USH2A: variants seen among roughly 807,000 people sequenced by gnomAD.
USH2A encodes Usher syndrome 2A (autosomal recessive, mild).
USH2A carries 443 observed loss-of-function variants against 538.9 expected under a neutral mutation model. The ratio of observed to expected loss-of-function variants is 0.82; its 90% confidence interval spans 0.76 to 0.89. The LOEUF (loss-of-function observed/expected upper bound fraction) is 0.89. USH2A is among the 40% of genes least tolerant of loss of function. USH2A has a pLI of 0.00. For missense variants in USH2A, 6,633 were observed against 6,324.8 expected (o/e 1.05, Z -1.65); for synonymous variants, 2,413 against 2,273.5 (o/e 1.06, Z -1.75).
intron 30 of USH2A, among the ~76,000 whole-genome samples, chr1:216,054,636 C>T (rs933926578): frequency 6.6e-6 from 1 of 152,182 alleles, no homozygotes; most frequent in African/African-American, 2.4e-5. Context: ...TTTCTACTTA[C>T]ATACTTCAGC....
At chr1:215,906,535 A>G (rs1665644238) in intron 38 of USH2A, among the ~76,000 whole-genome samples, 1 of 152,046 alleles carries the variant, frequency 6.6e-6, no homozygotes, top group Non-Finnish European at 1.5e-5. Context: ...TATAATATAG[A>G]ATAACTATTA....
chr1:215,683,295 C>T (rs1271672704), intron 61 of USH2A, among the ~76,000 whole-genome samples: 1 of 151,712 alleles, frequency 6.6e-6, no homozygotes, highest in African/African-American at 2.4e-5. Context: ...TTAAATAGAT[C>T]TAAACAATAG....
chr1:216,034,638 T>C lies in USH2A; in HGVS notation c.6325+11793A>G, dbSNP rs570088238. Among the ~76,000 whole-genome samples the C allele has an allele frequency of 1.5e-3, 232 of 152,020 alleles. 2 individuals are homozygous for C. Among genetic ancestry groups the C allele is most frequent in the Non-Finnish European group, 2.8e-3 (190 of 67,966 alleles). On this transcript the variant is annotated intron_variant, in intron 32 of 71. Transcript: ENST00000307340. ...CACTATGTAATGATACAAGCAGAGA[T>C]TGGGGTGACGCAACTGCAAGCCACT...
At position 216,099,057 on chromosome 1, in the gene USH2A, A is replaced by T. The variant is rs943427773; in HGVS notation, c.4628-1844T>A. On this transcript the variant is annotated intron_variant, in intron 21 of 71. Coordinates refer to ENST00000307340, the MANE Select transcript of USH2A (RefSeq NM_206933.4). Reference sequence around the variant, plus strand: ...TGTTCTAAGTCATTTTTAGAGTGCTATTCCTTTAGTCACAGCAAAGGTTAA... The same window carrying T: ...TGTTCTAAGTCATTTTTAGAGTGCTTTTCCTTTAGTCACAGCAAAGGTTAA... 4.6e-5 allele frequency among the ~76,000 whole-genome samples: 7 copies of T among 152,350 alleles called. No homozygotes were observed. The South Asian group carries it at 1.4e-3, about 32-fold the overall frequency.
At chr1:216,165,242 A>T (rs1424128309) in intron 21 of USH2A, among the ~76,000 whole-genome samples, 1 of 152,126 alleles carries the variant, frequency 6.6e-6, no homozygotes, top group Non-Finnish European at 1.5e-5. Flanking sequence ...ATAAGCCCTA[A>T]TGATATGTAT....
intron 38 of USH2A, among the ~76,000 whole-genome samples, chr1:215,910,134 A>T (rs1226057585): frequency 1.3e-5 from 2 of 151,996 alleles, no homozygotes; most frequent in African/African-American, 4.8e-5. Context: ...ATGCTTGTTC[A>T]TGAATCTTTT....
intron 47 of USH2A, among the ~76,000 whole-genome samples, chr1:215,836,506 T>TATATATTATA (rs1553267742): frequency 5.5e-5 from 1 of 18,314 alleles, no homozygotes; most frequent in African/African-American, 1.7e-4. Context: ...ATAATATATA[T>TATATATTATA]TATATATATA....
At position 215,647,626 on chromosome 1, in the gene USH2A, A is replaced by C; in HGVS notation, c.14687T>G (p.Leu4896Arg). ...TGTGGTGTAGGGCTGGAGACCCCCA[A>C]GGCTGGCTTTCTGCCCCAGCCCCGT... ...KYTGLGQKAS[L>R]GGLQPYTTYK... The change falls in exon 67 of 72, where the codon CTT becomes CGT. Residue 4896 changes from leucine (L) to arginine (R), a missense_variant. Physicochemically the swap from Leu to Arg is moderately radical, Grantham distance 102 (BLOSUM62 -2). Coordinates refer to ENST00000307340, the MANE Select transcript of USH2A (RefSeq NM_206933.4). The C allele has an allele frequency of 6.2e-7, 1 of 1,614,114 alleles. No individual in the cohort carries two copies. Among genetic ancestry groups the C allele is most frequent in the Non-Finnish European group, 8.5e-7 (1 of 1,180,032 alleles).
chr1:216,024,400 G>T (rs529185134), intron 32 of USH2A, among the ~76,000 whole-genome samples: 197 of 152,110 alleles, frequency 1.3e-3, no homozygotes, highest in African/African-American at 4.5e-3. Flanking sequence ...TTTTGTAAAG[G>T]AGAATGCATT....
At chr1:216,421,558 G>A (rs2039676303) in intron 2 of USH2A, among the ~76,000 whole-genome samples, 1 of 152,168 alleles carries the variant, frequency 6.6e-6, no homozygotes, top group African/African-American at 2.4e-5. Context: ...CTCACTCTGA[G>A]TCTTCTTTAG....
rs778833885 is a variant in USH2A at position 215,817,174 on chromosome 1, C to T, written c.9393G>A (p.Val3131=). The T allele has an allele frequency of 6.2e-7, 1 of 1,612,278 alleles. No homozygotes were observed. The highest frequency in any genetic ancestry group is 8.5e-7 in the Non-Finnish European group (1 of 1,178,734). Residue 3131 remains valine, a synonymous_variant, in exon 48 of 72, where the codon GTG becomes GTA. Transcript: ENST00000307340. Reference sequence around the variant, plus strand: ...TGATGCCATTTGGCTTCCGTGGAGACACCCAATCAATTTGAAGAGATCTGC... The same window carrying T: ...TGATGCCATTTGGCTTCCGTGGAGATACCCAATCAATTTGAAGAGATCTGC... ...ITSRSLQIDW[V]SPRKPNGIIL...
Position 216,325,490 on chromosome 1 carries a change from T to G in USH2A, c.958A>C (p.Ile320Leu). 1 of 1,613,876 alleles carries G rather than the reference T, an allele frequency of 6.2e-7. No homozygotes were observed. Among genetic ancestry groups the G allele is most frequent in the Non-Finnish European group, 8.5e-7 (1 of 1,179,904 alleles). The change falls in exon 6 of 72, where the codon ATT becomes CTT. Residue 320 changes from isoleucine to leucine, a missense_variant. Transcript: ENST00000307340. ...RVHPLAQRYC[I>L]PNDAGDTADN... ...GCTGTGTCTCCTGCATCATTAGGAA[T>G]GCAGTACCGCTGTGCCAAAGGGTGG...
chr1:215,642,968 T>C (rs114807980), intron 67 of USH2A, among the ~76,000 whole-genome samples: 1,885 of 152,302 alleles, frequency 0.012, 41 homozygotes, highest in African/African-American at 0.042. Flanking sequence ...ATCACATCTA[T>C]ATAAAACTGC....
chr1:215,709,660 A>C (rs1057442620), intron 61 of USH2A, among the ~76,000 whole-genome samples: 60 of 151,880 alleles, frequency 4.0e-4, no homozygotes, highest in African/African-American at 1.4e-3. Context: ...AAAAAAAAAA[A>C]AAAAAAAAAA....
At chr1:216,010,723 C>G (rs1668540371) in intron 32 of USH2A, among the ~76,000 whole-genome samples, 2 of 151,700 alleles carry the variant, frequency 1.3e-5, no homozygotes, top group African/African-American at 2.4e-5. Flanking sequence ...TTAAGCACTC[C>G]TTTTTAGTTA....
In USH2A at chr1:216,363,285, C is replaced by T. The variant is rs555549141; in HGVS notation, c.784+1668G>A. ...TCTAATACATGCCAGGTGCTTGAAACACAGTAATGTTTTACATGACATTGC... is the reference window on the plus strand; with the variant it reads ...TCTAATACATGCCAGGTGCTTGAAATACAGTAATGTTTTACATGACATTGC... On this transcript the variant is annotated intron_variant, in intron 4 of 71. Transcript: ENST00000307340. Among the ~76,000 whole-genome samples the T allele has an allele frequency of 4.6e-5, 7 of 152,222 alleles. No homozygotes were observed. The East Asian group carries it at 1.2e-3, about 25-fold the overall frequency.
At chr1:215,657,312 T>C (rs1657292659) in intron 64 of USH2A, among the ~76,000 whole-genome samples, 1 of 152,250 alleles carries the variant, frequency 6.6e-6, no homozygotes, top group Admixed American at 6.5e-5. Context: ...GTTTTGAATA[T>C]GTTTGAATAG....
intron 21 of USH2A, among the ~76,000 whole-genome samples, chr1:216,165,539 G>A (rs562818288): frequency 2.0e-5 from 3 of 152,244 alleles, no homozygotes; most frequent in Admixed American, 1.3e-4. Flanking sequence ...AACAAATTGA[G>A]TTATCACTCT....
chr1:216,313,373 G>A (rs146545640), intron 9 of USH2A, among the ~76,000 whole-genome samples: 201 of 152,204 alleles, frequency 1.3e-3, no homozygotes, highest in African/African-American at 4.6e-3. Context: ...TGAGCCCTGT[G>A]CTCATTGGCT....
Sources: gnomAD v4.1 joint callset for allele counts (sites outside exome capture counted in the v4.1 genomes callset) on GRCh38, gnomAD v4.1.1 for gene constraint, MANE v1.5 for transcripts, NCBI Gene and HGNC (gene_info 2026-07-23, HGNC 2026-07-21) for gene names.